The following DLGAP1 variants were observed in gnomAD, a reference collection of about 807,000 sequenced individuals.
DLGAP1 encodes DLG associated protein 1.
Under a neutral mutation model 90.8 loss-of-function variants are expected in DLGAP1, and 11 were observed. The observed-to-expected ratio is 0.12, with a 90% CI of 0.08 to 0.20. The LOEUF is 0.20. Ranked by LOEUF, DLGAP1 falls within the 10% of genes least tolerant of loss-of-function variation. DLGAP1 has a pLI of 1.00. For synonymous variants in DLGAP1, 558 were observed against 540.7 expected (o/e 1.03, Z -0.44); for missense variants, 1,050 against 1,333.8 (o/e 0.79, Z 3.31).
Position 4,368,948 on chromosome 18 carries a change from C to T in DLGAP1, c.-267+86058G>A, listed in dbSNP as rs142444189. On this transcript the variant is annotated intron_variant, in intron 1 of 12. Transcript: ENST00000315677. ...CCTTCTATTTTTCTATGGCAAATAT[C>T]GATGAGCAGTAACTGTGGAGCAAAG... 6.5e-4 allele frequency among the ~76,000 whole-genome samples: 99 copies of T among 152,204 alleles called. 1 individual carries two copies. Among genetic ancestry groups the T allele is most frequent in the African/African-American group, 2.3e-3 (95 of 41,524 alleles).
At chr18:4,323,574 G>A (rs1221364489) in intron 1 of DLGAP1, among the ~76,000 whole-genome samples, 1 of 152,048 alleles carries the variant, frequency 6.6e-6, no homozygotes, top group East Asian at 1.9e-4. Flanking sequence ...TAGAGAAAAT[G>A]TGGTTCATGG....
intron 1 of DLGAP1, among the ~76,000 whole-genome samples, chr18:4,385,364 C>A (rs1002501109): frequency 6.6e-6 from 1 of 152,178 alleles, no homozygotes; most frequent in Non-Finnish European, 1.5e-5. Flanking sequence ...GAAAAGTTAG[C>A]TCTCAAAATG....
At chr18:4,012,175 C>T (rs1260280360) in intron 2 of DLGAP1, among the ~76,000 whole-genome samples, 1 of 152,174 alleles carries the variant, frequency 6.6e-6, no homozygotes, top group African/African-American at 2.4e-5. Context: ...CAGTGTCCTC[C>T]CCCAGCCAAG....
intron 1 of DLGAP1, among the ~76,000 whole-genome samples, chr18:4,325,449 G>C: frequency 6.6e-6 from 1 of 152,088 alleles, no homozygotes; most frequent in East Asian, 1.9e-4. Context: ...ACAATTTGCA[G>C]ATTCAATGCT....
chr18:4,076,466 T>C (rs1372954641), intron 2 of DLGAP1, among the ~76,000 whole-genome samples: 1 of 152,064 alleles, frequency 6.6e-6, no homozygotes, highest in Non-Finnish European at 1.5e-5. Context: ...TTTTGGAAAA[T>C]AAAGGGTTTG....
chr18:4,099,477 G>A (rs1038152698), intron 2 of DLGAP1, among the ~76,000 whole-genome samples: 1 of 152,116 alleles, frequency 6.6e-6, no homozygotes, highest in Non-Finnish European at 1.5e-5. Flanking sequence ...TGTGTACACT[G>A]CACTGTAGTT....
intron 6 of DLGAP1, among the ~76,000 whole-genome samples, chr18:3,730,751 A>G (rs183271824): frequency 2.6e-5 from 4 of 152,358 alleles, no homozygotes; most frequent in Admixed American, 2.6e-4. Context: ...ACCTTAAGGC[A>G]TATCAATAGA....
At chr18:4,152,827 C>T (rs2076696808) in intron 1 of DLGAP1, among the ~76,000 whole-genome samples, 2 of 152,180 alleles carry the variant, frequency 1.3e-5, no homozygotes, top group African/African-American at 4.8e-5. Context: ...TACTAGTATC[C>T]TGCTAAGTAT....
At chr18:4,307,561 T>C (rs2080290960) in intron 1 of DLGAP1, among the ~76,000 whole-genome samples, 1 of 152,120 alleles carries the variant, frequency 6.6e-6, no homozygotes, top group Admixed American at 6.5e-5. Context: ...TAATATGATC[T>C]CTTTCAACAG....
chr18:3,820,246 G>A (rs2067334559), intron 4 of DLGAP1, among the ~76,000 whole-genome samples: 1 of 152,178 alleles, frequency 6.6e-6, no homozygotes, highest in Admixed American at 6.5e-5. Context: ...AGAAAGCCGG[G>A]ACAGCTGAAA....
chr18:3,728,923 G>A (rs548077187), intron 7 of DLGAP1, among the ~76,000 whole-genome samples: 1 of 152,242 alleles, frequency 6.6e-6, no homozygotes, highest in Admixed American at 6.5e-5. Context: ...TTTCCCCTGT[G>A]GATGCCAGAG....
intron 9 of DLGAP1, among the ~76,000 whole-genome samples, chr18:3,535,469 A>T (rs973870547): frequency 4.6e-5 from 7 of 152,230 alleles, no homozygotes; most frequent in Admixed American, 3.3e-4. Context: ...GCACTTTGGG[A>T]GGCTGAGGCG....
intron 2 of DLGAP1, among the ~76,000 whole-genome samples, chr18:4,123,701 G>C (rs538905831): frequency 3.1e-4 from 47 of 152,288 alleles, no homozygotes; most frequent in African/African-American, 1.1e-3. Context: ...CAATTGCCCT[G>C]CGAATACAAA....
At chr18:4,379,549 C>T (rs34229346) in intron 1 of DLGAP1, among the ~76,000 whole-genome samples, 11,425 of 152,066 alleles carry the variant, frequency 0.075, 677 homozygotes, top group East Asian at 0.27. Context: ...CCAACTCATA[C>T]CAATCATTCC....
intron 1 of DLGAP1, among the ~76,000 whole-genome samples, chr18:4,415,968 T>A (rs116259334): frequency 0.013 from 1,918 of 152,282 alleles, 47 homozygotes; most frequent in African/African-American, 0.044. Context: ...CCCTCTCATT[T>A]GATCGCTTTG....
At chr18:3,611,873 G>C (rs1204970763) in intron 7 of DLGAP1, among the ~76,000 whole-genome samples, 1 of 152,240 alleles carries the variant, frequency 6.6e-6, no homozygotes, top group Non-Finnish European at 1.5e-5. Flanking sequence ...AAGTCCTGTT[G>C]CTAAGTTCAA....
intron 1 of DLGAP1, among the ~76,000 whole-genome samples, chr18:4,221,076 G>A (rs1396367180): frequency 1.3e-5 from 2 of 151,984 alleles, no homozygotes; most frequent in Non-Finnish European, 2.9e-5. Context: ...TACCATCTAG[G>A]TTTTTGTTGA....
intron 1 of DLGAP1, among the ~76,000 whole-genome samples, chr18:4,204,508 GTTTT>G (rs112859102): frequency 2.7e-5 from 4 of 148,100 alleles, no homozygotes; most frequent in South Asian, 2.1e-4. Flanking sequence ...GACTGTTGTG[GTTTT>G]TTTTTTGTTT....
intron 3 of DLGAP1, among the ~76,000 whole-genome samples, chr18:3,908,830 A>G (rs919620819): frequency 1.3e-4 from 20 of 152,204 alleles, no homozygotes; most frequent in African/African-American, 4.6e-4. Context: ...GCCAGGGGTA[A>G]CATGTTCCTA....
Sources: allele counts gnomAD v4.1 joint callset (sites outside exome capture counted in the v4.1 genomes callset), GRCh38; gene constraint gnomAD v4.1.1; transcripts MANE v1.5; gene names NCBI Gene and HGNC (gene_info 2026-07-23, HGNC 2026-07-21).